ITGB3: variants seen among roughly 807,000 people sequenced by gnomAD.
ITGB3 encodes integrin subunit beta 3, also known as integrin beta-3.
A neutral mutation model predicts 85.8 loss-of-function variants in ITGB3; 48 were observed. The ratio of observed to expected loss-of-function variants is 0.56; its 90% confidence interval spans 0.44 to 0.71. The LOEUF (loss-of-function observed/expected upper bound fraction) is 0.71. ITGB3 is among the 30% of genes least tolerant of loss of function. ITGB3 has a pLI of 0.00. For missense variants in ITGB3, 861 were observed against 1,019.1 expected (o/e 0.84, Z 2.11); for synonymous variants, 363 against 395.6 (o/e 0.92, Z 0.98).
At chr17:47,284,374 G>C in intron 3 of ITGB3, 69 bp from the exon 4 acceptor site, 11 of 1,596,826 alleles carry the variant, frequency 6.9e-6, no homozygotes, top group Non-Finnish European at 9.4e-6. Flanking sequence ...AGTCCCAACT[G>C]TATCCAAATC....
At chr17:47,298,424 C>G (rs536307491) in intron 10 of ITGB3, among the ~76,000 whole-genome samples, 369 of 152,274 alleles carry the variant, frequency 2.4e-3, no homozygotes, top group Non-Finnish European at 3.3e-3. Context: ...CTCCGTTGGC[C>G]AACTCCATGG....
Position 47,296,526 on chromosome 17 carries a change from G to T in ITGB3, c.1691-2782G>T, listed in dbSNP as rs549815714. ...TGAGGTTACAGGCATGAGCCACCATGCTTGGCCTTTGAAGGTTTTTAAGCA... is the reference window on the plus strand; with the variant it reads ...TGAGGTTACAGGCATGAGCCACCATTCTTGGCCTTTGAAGGTTTTTAAGCA... On this transcript the variant is annotated intron_variant, in intron 10 of 14. Transcript: ENST00000559488. Among the ~76,000 whole-genome samples, 52 of 152,310 alleles carry T rather than the reference G, an allele frequency of 3.4e-4. No homozygotes were observed. In the East Asian group the frequency reaches 7.7e-3, roughly 23 times the overall value.
rs140027797 is a variant in ITGB3 at position 47,299,348 on chromosome 17, C to T, written c.1731C>T (p.Ser577=). The change falls in exon 11 of 15, where the codon TCC becomes TCT. Residue 577 remains serine, a synonymous_variant. Transcript: ENST00000559488. This position sits in a 1 kb window ranked among gnomAD's most constrained non-coding sequence, Gnocchi z 5.1. ...QCSCGDCLCD[S]DWTGYYCNCT... The stretch of plus-strand genomic sequence containing the variant: ...GCTGTGGGGACTGCCTGTGTGACTC[C>T]GACTGGACCGGCTACTACTGCAACT... 185 of 1,614,168 alleles carry T rather than the reference C, an allele frequency of 1.1e-4. No individual in the cohort carries two copies. Among genetic ancestry groups the T allele is most frequent in the South Asian group, 2.1e-4 (19 of 91,090 alleles).
At chr17:47,290,407 GCC>G (rs2065120437) in intron 8 of ITGB3, 133 bp downstream of exon 8, 6 of 806,692 alleles carry the variant, frequency 7.4e-6, no homozygotes, top group African/African-American at 1.7e-5. Context: ...TGCTCCCAGA[GCC>G]CAGGCAATGG....
intron 1 of ITGB3, among the ~76,000 whole-genome samples, chr17:47,269,177 C>G (rs1445234277): frequency 6.6e-6 from 1 of 152,216 alleles, no homozygotes; most frequent in Non-Finnish European, 1.5e-5. Context: ...ATTTTTTCCT[C>G]TTAGGCCTCT....
intron 1 of ITGB3, among the ~76,000 whole-genome samples, chr17:47,256,476 C>A (rs531798629): frequency 7.4e-5 from 11 of 148,618 alleles, no homozygotes; most frequent in East Asian, 3.9e-4. Flanking sequence ...GAGTAATACC[C>A]CCCCCCCCAA....
rs1244042995 is a variant in ITGB3 at position 47,299,587 on chromosome 17, A to T, written c.1913+57A>T. 6.7e-7 allele frequency: 1 copy of T among 1,481,590 alleles called. No individual in the cohort carries two copies. The highest frequency in any genetic ancestry group is 1.4e-5 in the African/African-American group (1 of 72,094). 91.8% of individuals were successfully genotyped at this position (1,481,590 alleles called of 1,614,324 possible). ...CTGGGAGGTAGGAGAGGATCCCCTGACTAGAATCCCCAGCTCTCCAGGTGT... is the reference window on the plus strand; with the variant it reads ...CTGGGAGGTAGGAGAGGATCCCCTGTCTAGAATCCCCAGCTCTCCAGGTGT... On this transcript the variant is annotated intron_variant, in intron 11 of 14. Coordinates refer to ENST00000559488, the MANE Select transcript of ITGB3 (RefSeq NM_000212.3). This position sits in a 1 kb window ranked among gnomAD's most constrained non-coding sequence, Gnocchi z 5.1.
At chr17:47,277,703 T>C (rs2065068812) in intron 2 of ITGB3, among the ~76,000 whole-genome samples, 2 of 152,142 alleles carry the variant, frequency 1.3e-5, no homozygotes, top group African/African-American at 4.8e-5. Context: ...TGGAGGGAAA[T>C]ACTAGGAATT....
At position 47,310,219 on chromosome 17, in the gene ITGB3, C is replaced by T; in HGVS notation, c.*15C>T. ...GGGGCACTTAATGATAAGCAGTCATCCTCAGATCATTATCAGCCTGTGCCA... is the reference window on the plus strand; with the variant it reads ...GGGGCACTTAATGATAAGCAGTCATTCTCAGATCATTATCAGCCTGTGCCA... On this transcript the variant is annotated 3_prime_UTR_variant, in exon 15 of 15. Coordinates refer to ENST00000559488, the MANE Select transcript of ITGB3 (RefSeq NM_000212.3). 1 of 1,609,826 alleles carries T rather than the reference C, an allele frequency of 6.2e-7. No individual in the cohort carries two copies. Among genetic ancestry groups the T allele is most frequent in the South Asian group, 1.1e-5 (1 of 90,974 alleles).
At chr17:47,285,535 T>C (rs2065099453) in intron 4 of ITGB3, among the ~76,000 whole-genome samples, 1 of 152,084 alleles carries the variant, frequency 6.6e-6, no homozygotes, top group Admixed American at 6.5e-5. Flanking sequence ...GAGGATTGAT[T>C]GAGCCTGGGA....
intron 13 of ITGB3, 100 bp from the exon 14 acceptor site, chr17:47,307,370 CA>C: frequency 1.5e-6 from 2 of 1,334,788 alleles, no homozygotes; most frequent in Non-Finnish European, 2.1e-6. Flanking sequence ...CTATTTCCTT[CA>C]AGGACCTTAG....
chr17:47,253,828 T>C lies in ITGB3; in HGVS notation c.-34T>C. ...CGGCCGCGGGCGGCGGCGCCCACTG[T>C]GGGGCGGGCGGAGCGCCGCGGGAGG... On this transcript the variant is annotated 5_prime_UTR_variant, in exon 1 of 15. Transcript: ENST00000559488. The C allele has an allele frequency of 8.6e-7, 1 of 1,163,548 alleles. No homozygotes were observed. The highest frequency in any genetic ancestry group is 1.1e-6 in the Non-Finnish European group (1 of 936,256). The allele number at this position is 1,163,548 out of a possible 1,614,324, so 72.1% of individuals were successfully genotyped here.
chr17:47,291,413 G>A (rs1453169549), intron 9 of ITGB3: 9 of 539,162 alleles, frequency 1.7e-5, no homozygotes, highest in East Asian at 3.0e-5. Flanking sequence ...CTCACCAGTC[G>A]CCAGCCTTTC....
intron 12 of ITGB3, among the ~76,000 whole-genome samples, chr17:47,302,248 T>G (rs1029200242): frequency 2.0e-5 from 3 of 151,890 alleles, no homozygotes; most frequent in African/African-American, 4.8e-5. Flanking sequence ...AGCAAACTAT[T>G]AAGAATCACT....
At chr17:47,303,098 A>C (rs1300919573) in intron 13 of ITGB3, among the ~76,000 whole-genome samples, 1 of 151,964 alleles carries the variant, frequency 6.6e-6, no homozygotes, top group Non-Finnish European at 1.5e-5. Context: ...AAATACAAAA[A>C]CATTAGCCGG....
At chr17:47,283,853 C>T (rs1191889909) in intron 3 of ITGB3, among the ~76,000 whole-genome samples, 3 of 152,148 alleles carry the variant, frequency 2.0e-5, no homozygotes, top group Non-Finnish European at 4.4e-5. Flanking sequence ...ACCCAAGTGC[C>T]TGTTTTACCT....
chr17:47,291,201 G>T (rs1446428554), intron 9 of ITGB3, 113 bp downstream of exon 9: 6 of 1,240,408 alleles, frequency 4.8e-6, no homozygotes, highest in Non-Finnish European at 7.0e-6. Context: ...AAAAATATGG[G>T]CAAGAAAAAT....
intron 2 of ITGB3, among the ~76,000 whole-genome samples, chr17:47,277,346 G>A (rs2065067653): frequency 1.3e-5 from 2 of 152,190 alleles, no homozygotes; most frequent in African/African-American, 2.4e-5. Context: ...ATTTATGATA[G>A]CAAGTTTGGC....
intron 2 of ITGB3, among the ~76,000 whole-genome samples, chr17:47,275,995 GC>G (rs1280758589): frequency 6.6e-6 from 1 of 152,146 alleles, no homozygotes; most frequent in Non-Finnish European, 1.5e-5. Context: ...TATTACTAAA[GC>G]TTCTTTTACC....
Sources: gnomAD v4.1 joint callset for allele counts (sites outside exome capture counted in the v4.1 genomes callset) on GRCh38, gnomAD v4.1.1 for gene constraint, Gnocchi (gnomAD v3.1) non-coding constraint, MANE v1.5 for transcripts, NCBI Gene and HGNC (gene_info 2026-07-23, HGNC 2026-07-21) for gene names.